The following PCLO variants were observed in gnomAD, a reference collection of about 807,000 sequenced individuals.
The protein encoded by PCLO is piccolo presynaptic cytomatrix protein.
PCLO carries 82 observed loss-of-function variants against 427.5 expected under a neutral mutation model. The observed-to-expected ratio is 0.19, with a 90% confidence interval of 0.16 to 0.23. PCLO has a LOEUF of 0.23. Among genes scored for constraint, PCLO ranks in the 10% least tolerant of loss-of-function variants. The pLI is 1.00. For missense variants in PCLO, 6,239 were observed against 6,115.9 expected (o/e 1.02, Z -0.67); for synonymous variants, 2,357 against 2,155.4 (o/e 1.09, Z -2.59).
Position 82,999,718 on chromosome 7 carries a change from T to A in PCLO, c.3301-33231A>T, listed in dbSNP as rs1156674973. ...ATATAATATTAAATATAAAATATAA[T>A]ATATAATATTAAATATAAAATATAA... is the stretch of plus-strand genomic sequence containing the variant. On this transcript the variant is annotated intron_variant, in intron 3 of 24. Coordinates refer to ENST00000333891, the MANE Select transcript of PCLO (RefSeq NM_033026.6). Among the ~76,000 whole-genome samples the A allele has an allele frequency of 1.7e-5, 2 of 115,110 alleles. 1 individual carries two copies. The highest frequency in any genetic ancestry group is 3.3e-5 in the Non-Finnish European group (2 of 60,658). The allele number at this position is 115,110 out of a possible 152,430, so 75.5% of individuals were successfully genotyped here. A position where few individuals can be genotyped will look rare whatever the true frequency, so the allele number is the denominator to read the frequency against.
Position 83,162,529 on chromosome 7 carries a change from C to G in PCLO, c.64G>C (p.Ala22Pro). 4 of 1,554,606 alleles carry G rather than the reference C, an allele frequency of 2.6e-6. No homozygotes were observed. The highest frequency in any genetic ancestry group is 3.5e-6 in the Non-Finnish European group (4 of 1,150,342). The change falls in exon 1 of 25, where the codon GCT becomes CCT. Residue 22 changes from alanine (A) to proline (P), a missense_variant. By Grantham distance (27) the Ala-to-Pro change is conservative (BLOSUM62 -1). Around this residue, in one of 5 missense-constraint regions of PCLO, gnomAD observed 4,677 missense variants for 4,468.4 expected, o/e 1.05. Transcript: ENST00000333891. ...LPEGLAAAAAAGGGASGAGSP... is the reference protein window; with the variant it reads ...LPEGLAAAAAPGGGASGAGSP... ...CCCGCCCCGCTAGCTCCTCCTCCAG[C>G]CGCTGCGGCCGCCGCCAGCCCTTCG...
chr7:82,998,223 T>C (rs963291073), intron 3 of PCLO, among the ~76,000 whole-genome samples: 23 of 151,916 alleles, frequency 1.5e-4, no homozygotes, highest in African/African-American at 5.6e-4. Context: ...AACAAGTCAC[T>C]AATGGGAGTT....
At chr7:83,034,209 T>C (rs1788737857) in intron 3 of PCLO, among the ~76,000 whole-genome samples, 1 of 152,076 alleles carries the variant, frequency 6.6e-6, no homozygotes, top group Non-Finnish European at 1.5e-5. Context: ...TTATTCCTTT[T>C]TTGTTTTGTT....
intron 3 of PCLO, among the ~76,000 whole-genome samples, chr7:83,022,834 T>G (rs1050475848): frequency 6.6e-6 from 1 of 152,182 alleles, no homozygotes; most frequent in South Asian, 2.1e-4. Context: ...AAAAACTATC[T>G]GAAAGCCTGA....
intron 9 of PCLO, among the ~76,000 whole-genome samples, chr7:82,892,230 T>G (rs975275306): frequency 2.0e-5 from 3 of 152,038 alleles, no homozygotes; most frequent in African/African-American, 7.2e-5. Flanking sequence ...AAAACAGAGA[T>G]ATAGATCAAT....
intron 20 of PCLO, 26 bp from the exon 21 acceptor site, chr7:82,805,855 CCA>C: frequency 6.3e-7 from 1 of 1,580,844 alleles, no homozygotes; most frequent in Non-Finnish European, 8.6e-7. Context: ...AGATTCAACA[CCA>C]CAGTCAATAA....
Position 82,805,744 on chromosome 7 carries a change from G to A in PCLO, c.14877C>T (p.Asp4959=), listed in dbSNP as rs1330250801. ...GSSFGSGYSV[D]SEGSSSTAGE... is the part of the protein sequence containing the mutation. ...CTGCAGTGCTGCTGCTTCCTTCACT[G>A]TCCACGCTATACCCACTGCCAAAGC... Residue 4959 remains aspartate (D), a synonymous_variant, in exon 21 of 25, where the codon GAC becomes GAT. Coordinates refer to ENST00000333891, the MANE Select transcript of PCLO (RefSeq NM_033026.6). The A allele has an allele frequency of 6.2e-7, 1 of 1,612,354 alleles. No individual in the cohort carries two copies. The highest frequency in any genetic ancestry group is 8.5e-7 in the Non-Finnish European group (1 of 1,179,280).
At chr7:83,029,276 C>A (rs71557153) in intron 3 of PCLO, among the ~76,000 whole-genome samples, 15,284 of 144,322 alleles carry the variant, frequency 0.11, 1,003 homozygotes, top group Non-Finnish European at 0.14. Context: ...AAAAAAAAAA[C>A]AACCCCATCA....
chr7:83,112,663 C>G (rs542822341), intron 3 of PCLO, among the ~76,000 whole-genome samples: 2 of 152,158 alleles, frequency 1.3e-5, no homozygotes, highest in African/African-American at 2.4e-5. Flanking sequence ...TATGACAAAA[C>G]TTCTCTCCAG....
intron 6 of PCLO, among the ~76,000 whole-genome samples, chr7:82,922,109 G>A (rs2107827): frequency 0.34 from 51,536 of 151,746 alleles, 10,616 homozygotes; most frequent in East Asian, 0.6. Context: ...AGGTTGTGGA[G>A]TAAAAGGAAT....
At chr7:83,065,040 T>C (rs927147116) in intron 3 of PCLO, among the ~76,000 whole-genome samples, 2 of 109,630 alleles carry the variant, frequency 1.8e-5, no homozygotes, top group African/African-American at 8.3e-5. Flanking sequence ...TAACCATCTT[T>C]GCAAAGCTTG....
chr7:82,838,162 A>C (rs1376137735), intron 15 of PCLO, 56 bp downstream of exon 15: 1 of 1,288,306 alleles, frequency 7.8e-7, no homozygotes, highest in African/African-American at 1.5e-5. Flanking sequence ...AAAGAGTAGA[A>C]AATACTATAC....
chr7:82,916,520 G>C lies in PCLO; in HGVS notation c.11466C>G (p.Ala3822=). ...LLKEREKRER[A]YLQGVAEDRD... is the part of the protein sequence containing the mutation. Reference sequence around the variant, plus strand: ...GATCCTCAGCTACTCCCTGGAGGTAGGCTCGTTCTCTCTTTTCTCTCTCCT... The same window carrying C: ...GATCCTCAGCTACTCCCTGGAGGTACGCTCGTTCTCTCTTTTCTCTCTCCT... Residue 3822 remains alanine (A), a synonymous_variant, in exon 7 of 25, where the codon GCC becomes GCG. Coordinates refer to ENST00000333891, the MANE Select transcript of PCLO (RefSeq NM_033026.6). The C allele has an allele frequency of 6.2e-7, 1 of 1,613,658 alleles. No homozygotes were observed. Among genetic ancestry groups the C allele is most frequent in the Admixed American group, 1.7e-5 (1 of 59,952 alleles).
At chr7:83,052,979 A>G (rs1562940294) in intron 3 of PCLO, among the ~76,000 whole-genome samples, 1 of 151,940 alleles carries the variant, frequency 6.6e-6, no homozygotes, top group Non-Finnish European at 1.5e-5. Context: ...TAATTTTTTA[A>G]AAGCCAAATA....
Position 82,966,393 on chromosome 7 carries a change from G to T in PCLO, c.3395C>A (p.Pro1132His). Reference sequence around the variant, plus strand: ...AGGAACAGGCATAGGAGATGCTTTGGGTCCTGATGGTGCAGGTGGCATTTT... The same window carrying T: ...AGGAACAGGCATAGGAGATGCTTTGTGTCCTGATGGTGCAGGTGGCATTTT... Reference protein sequence around the residue: ...IRKMPPAPSGPKASPMPVPTE... With the variant: ...IRKMPPAPSGHKASPMPVPTE... The change falls in exon 4 of 25, where the codon CCC becomes CAC. Residue 1132 changes from proline (P) to histidine (H), a missense_variant. Pro to His is a moderately conservative substitution (Grantham distance 77). Transcript: ENST00000333891. 6.2e-7 allele frequency: 1 copy of T among 1,613,662 alleles called. No homozygotes were observed. The highest frequency in any genetic ancestry group is 1.3e-5 in the African/African-American group (1 of 74,978).
intron 3 of PCLO, among the ~76,000 whole-genome samples, chr7:83,008,911 T>C (rs1449386365): frequency 6.6e-6 from 1 of 151,276 alleles, no homozygotes; most frequent in Non-Finnish European, 1.5e-5. Context: ...CATAGAAATC[T>C]AAAGCTAAAG....
At chr7:82,890,110 T>C (rs970839357) in intron 9 of PCLO, among the ~76,000 whole-genome samples, 1 of 151,894 alleles carries the variant, frequency 6.6e-6, no homozygotes, top group African/African-American at 2.4e-5. Context: ...AGGTTGAGAA[T>C]GATACATGCA....
At chr7:82,924,263 T>C (rs74977398) in intron 6 of PCLO, among the ~76,000 whole-genome samples, 3,086 of 152,024 alleles carry the variant, frequency 0.02, 113 homozygotes, top group African/African-American at 0.07. Context: ...CAGGAGAAAA[T>C]TAATAAGGAT....
chr7:82,995,176 T>C (rs571764552), intron 3 of PCLO, among the ~76,000 whole-genome samples: 40 of 152,098 alleles, frequency 2.6e-4, no homozygotes, highest in African/African-American at 8.9e-4. Context: ...TGGGAAAAGA[T>C]GTACAGTGAG....
Sources: gnomAD v4.1 joint callset for allele counts (sites outside exome capture counted in the v4.1 genomes callset) on GRCh38, gnomAD v4.1.1 for gene constraint, gnomAD v4.1.1 regional missense constraint, MANE v1.5 for transcripts, NCBI Gene and HGNC (gene_info 2026-07-23, HGNC 2026-07-21) for gene names.